The following CDADC1 variants were observed in gnomAD, a reference collection of about 807,000 sequenced individuals.
CDADC1 encodes cytidine and dCMP deaminase domain containing 1.
CDADC1 carries 39 observed loss-of-function variants against 54.9 expected under a neutral mutation model. That is an observed-to-expected ratio of 0.71 (90% CI 0.55 to 0.93). The LOEUF (loss-of-function observed/expected upper bound fraction) is 0.93, where lower values mean the gene tolerates loss of function less well. Among genes scored for constraint, CDADC1 ranks in the 40% least tolerant of loss-of-function variants. CDADC1 has a pLI of 0.00. For missense variants in CDADC1, 518 were observed against 618.8 expected (o/e 0.84, Z 1.73); for synonymous variants, 186 against 204.0 (o/e 0.91, Z 0.75).
At chr13:49,272,288 T>C (rs978639213) in intron 5 of CDADC1, among the ~76,000 whole-genome samples, 2 of 152,250 alleles carry the variant, frequency 1.3e-5, no homozygotes, top group African/African-American at 4.8e-5. Context: ...TATAATCTTA[T>C]GTTTATAACT....
chr13:49,263,248 T>G (rs992300413), intron 4 of CDADC1, among the ~76,000 whole-genome samples: 2 of 152,188 alleles, frequency 1.3e-5, no homozygotes, highest in African/African-American at 4.8e-5. Flanking sequence ...AGTGATAAAA[T>G]TTGAGCTATC....
chr13:49,280,497 T>A lies in CDADC1; in HGVS notation c.1221-12T>A. 1 of 1,309,806 alleles carries A rather than the reference T, an allele frequency of 7.6e-7. No homozygotes were observed. The highest frequency in any genetic ancestry group is 1.0e-6 in the Non-Finnish European group (1 of 991,698). 81.1% of individuals were successfully genotyped at this position (1,309,806 alleles called of 1,614,324 possible). A position where few individuals can be genotyped will look rare whatever the true frequency, so the allele number is the denominator to read the frequency against. On this transcript the variant is annotated splice_polypyrimidine_tract_variant and intron_variant, in intron 7 of 9. Coordinates refer to ENST00000251108, the MANE Select transcript of CDADC1 (RefSeq NM_030911.4). ...AAACGACCTTTCTGATATTTTATAA[T>A]TTTTTTTGTAGGTGTCAAGAAATAA...
chr13:49,275,689 TTATATATATATATATATATA>T (rs371106804), intron 6 of CDADC1, among the ~76,000 whole-genome samples: 76 of 43,104 alleles, frequency 1.8e-3, no homozygotes, highest in South Asian at 7.7e-3. Flanking sequence ...TTTCTAGGTG[TTATATATATATATATATATA>T]TATATATATA....
chr13:49,269,847 C>T (rs762932213), intron 5 of CDADC1, among the ~76,000 whole-genome samples: 1 of 152,186 alleles, frequency 6.6e-6, no homozygotes, highest in African/African-American at 2.4e-5. Flanking sequence ...TATACATTTG[C>T]ATTTATATTG....
rs2138254362 is a variant in CDADC1 at position 49,280,634 on chromosome 13, GA to G, written c.1352del (p.Lys451ArgfsTer8). 2 of 1,601,234 alleles carry G rather than the reference GA, an allele frequency of 1.2e-6. No homozygotes were observed. Among genetic ancestry groups the G allele is most frequent in the Non-Finnish European group, 1.7e-6 (2 of 1,174,352 alleles). On this transcript the variant is annotated frameshift_variant, in exon 8 of 10. Transcript: ENST00000251108. LOFTEE classifies it high-confidence loss of function. ...ATCTATGCAGGAGATGTAGATGTTG[GA>G]AAAAAGAAGGCAGACATCTCTTACA... ...KQIYAGDVDV[G>X]KKKADISYMR... is the part of the protein sequence containing the mutation.
intron 8 of CDADC1, among the ~76,000 whole-genome samples, chr13:49,282,245 T>TTTTG (rs1953370382): frequency 6.8e-6 from 1 of 146,200 alleles, no homozygotes; most frequent in Non-Finnish European, 1.5e-5. Flanking sequence ...GGTTTTTTTT[T>TTTTG]TTTTTTTTTT....
intron 4 of CDADC1, among the ~76,000 whole-genome samples, chr13:49,267,045 T>C (rs1952832272): frequency 6.6e-6 from 1 of 152,150 alleles, no homozygotes; most frequent in African/African-American, 2.4e-5. Flanking sequence ...GGTAACTTTT[T>C]CTTGAAAAGG....
intron 6 of CDADC1, among the ~76,000 whole-genome samples, chr13:49,277,971 C>G (rs1180163567): frequency 6.6e-6 from 1 of 152,158 alleles, no homozygotes; most frequent in Non-Finnish European, 1.5e-5. Flanking sequence ...GTACAGAATA[C>G]TCGAACATGT....
chr13:49,265,645 CAG>C (rs1162350461), intron 4 of CDADC1, among the ~76,000 whole-genome samples: 2 of 151,384 alleles, frequency 1.3e-5, no homozygotes, highest in Non-Finnish European at 1.5e-5. Flanking sequence ...TAATGTATAA[CAG>C]ATTATTGTTA....
At chr13:49,286,890 T>G (rs1217289853) in intron 9 of CDADC1, among the ~76,000 whole-genome samples, 1 of 152,232 alleles carries the variant, frequency 6.6e-6, no homozygotes, top group Non-Finnish European at 1.5e-5. Context: ...TATAATATTA[T>G]TCTAAAATAG....
chr13:49,263,692 G>A (rs1952741967), intron 4 of CDADC1, among the ~76,000 whole-genome samples: 1 of 152,074 alleles, frequency 6.6e-6, no homozygotes. Flanking sequence ...ACAACATATT[G>A]CAACAGATTG....
chr13:49,278,522 A>C lies in CDADC1; in HGVS notation c.1220+3A>C, dbSNP rs1953212305. 3 of 1,495,822 alleles carry C rather than the reference A, an allele frequency of 2.0e-6. No individual in the cohort carries two copies. The East Asian group carries it at 7.2e-5, about 36-fold the overall frequency. 92.7% of individuals were successfully genotyped at this position (1,495,822 alleles called of 1,614,324 possible). On this transcript the variant is annotated splice_donor_region_variant and intron_variant, in intron 7 of 9. Transcript: ENST00000251108. ...GAACAGAATGCCTTGACATTTAGGTATGAAATCCTTCTTGGTGTACTTTTC... is the reference window on the plus strand; with the variant it reads ...GAACAGAATGCCTTGACATTTAGGTCTGAAATCCTTCTTGGTGTACTTTTC...
chr13:49,278,347 T>C lies in CDADC1; in HGVS notation c.1051-3T>C, dbSNP rs759159090. Reference sequence around the variant, plus strand: ...CTAACCATTGGTTTGCTCACTCTCGTAGAGAAGTTGTGATGGAACAGGTGC... The same window carrying C: ...CTAACCATTGGTTTGCTCACTCTCGCAGAGAAGTTGTGATGGAACAGGTGC... On this transcript the variant is annotated splice_region_variant and splice_polypyrimidine_tract_variant and intron_variant, in intron 6 of 9. Coordinates refer to ENST00000251108, the MANE Select transcript of CDADC1 (RefSeq NM_030911.4). The C allele has an allele frequency of 2.4e-5, 37 of 1,528,090 alleles. No homozygotes were observed. In the African/African-American group the frequency reaches 4.5e-4, roughly 19 times the overall value. The allele number at this position is 1,528,090 out of a possible 1,614,324, so 94.7% of individuals were successfully genotyped here. A position where few individuals can be genotyped will look rare whatever the true frequency, so the allele number is the denominator to read the frequency against.
At chr13:49,271,933 T>C (rs1046878462) in intron 5 of CDADC1, among the ~76,000 whole-genome samples, 3 of 152,234 alleles carry the variant, frequency 2.0e-5, no homozygotes, top group Non-Finnish European at 2.9e-5. Flanking sequence ...TGATGCTGAG[T>C]GACATCAAAT....
Position 49,278,291 on chromosome 13 carries a change from C to T in CDADC1, c.1051-59C>T, listed in dbSNP as rs1476763815. ...AGTATGATAGCAAGCTTCAAAAATACATTGCAAAGTGTCTTTTCAGAATGT... is the reference window on the plus strand; with the variant it reads ...AGTATGATAGCAAGCTTCAAAAATATATTGCAAAGTGTCTTTTCAGAATGT... On this transcript the variant is annotated intron_variant, in intron 6 of 9. Transcript: ENST00000251108. 15 of 1,268,276 alleles carry T rather than the reference C, an allele frequency of 1.2e-5. No homozygotes were observed. In the East Asian group the frequency reaches 3.8e-4, roughly 32 times the overall value. The allele number at this position is 1,268,276 out of a possible 1,614,324, so 78.6% of individuals were successfully genotyped here.
chr13:49,292,292 T>C lies in CDADC1; in HGVS notation c.*535T>C, dbSNP rs1953732030. 21 of 977,096 alleles carry C rather than the reference T, an allele frequency of 2.1e-5. No homozygotes were observed. Among genetic ancestry groups the C allele is most frequent in the Non-Finnish European group, 2.6e-5 (21 of 820,750 alleles). The allele number at this position is 977,096 out of a possible 1,614,324, so 60.5% of individuals were successfully genotyped here. On this transcript the variant is annotated 3_prime_UTR_variant, in exon 10 of 10. Coordinates refer to ENST00000251108, the MANE Select transcript of CDADC1 (RefSeq NM_030911.4). Reference sequence around the variant, plus strand: ...TAGAATTGACTCATAAAAATAAAGTTAGTGGACTTTGTCTCCATTTTTAAA... The same window carrying C: ...TAGAATTGACTCATAAAAATAAAGTCAGTGGACTTTGTCTCCATTTTTAAA...
At position 49,248,130 on chromosome 13, in the gene CDADC1, G is replaced by C. The variant is rs1327925317; in HGVS notation, c.82+11G>C. Reference sequence around the variant, plus strand: ...CTGGCAGCATGACCGGTGAGTGTCCGGGACCCTGCTCCCGCCACCCTACCT... The same window carrying C: ...CTGGCAGCATGACCGGTGAGTGTCCCGGACCCTGCTCCCGCCACCCTACCT... On this transcript the variant is annotated intron_variant, in intron 1 of 9. Transcript: ENST00000251108. The C allele has an allele frequency of 6.5e-7, 1 of 1,548,420 alleles. No homozygotes were observed. Among genetic ancestry groups the C allele is most frequent in the South Asian group, 1.2e-5 (1 of 83,986 alleles).
intron 9 of CDADC1, among the ~76,000 whole-genome samples, chr13:49,289,319 G>A (rs1953628145): frequency 1.3e-5 from 2 of 151,786 alleles, no homozygotes; most frequent in Admixed American, 6.6e-5. Flanking sequence ...GTAGAGACGA[G>A]GTTTCACCAC....
Position 49,256,027 on chromosome 13 carries a change from C to T in CDADC1, c.252+114C>T, listed in dbSNP as rs1355779342. The T allele has an allele frequency of 2.9e-6, 4 of 1,379,550 alleles. No individual in the cohort carries two copies. In the Admixed American group the frequency reaches 9.0e-5, roughly 31 times the overall value. The allele number at this position is 1,379,550 out of a possible 1,614,324, so 85.5% of individuals were successfully genotyped here. A position where few individuals can be genotyped will look rare whatever the true frequency, so the allele number is the denominator to read the frequency against. On this transcript the variant is annotated intron_variant, in intron 3 of 9. Coordinates refer to ENST00000251108, the MANE Select transcript of CDADC1 (RefSeq NM_030911.4). ...CTATCAAGGGAGTTTTTAAAATACT[C>T]TTCTAAAAATGGTCTGTATATTTAC...
Sources: allele counts gnomAD v4.1 joint callset (sites outside exome capture counted in the v4.1 genomes callset), GRCh38; gene constraint gnomAD v4.1.1; transcripts MANE v1.5; gene names NCBI Gene and HGNC (gene_info 2026-07-23, HGNC 2026-07-21).